The following KLF12 variants were observed in gnomAD, a reference collection of about 807,000 sequenced individuals.
KLF12 encodes KLF transcription factor 12, also known as Krueppel-like factor 12.
Under a neutral mutation model 37.8 loss-of-function variants are expected in KLF12, and 9 were observed. The ratio of observed to expected loss-of-function variants is 0.24; its 90% CI spans 0.14 to 0.42. The LOEUF (loss-of-function observed/expected upper bound fraction) is 0.42, where lower values mean the gene tolerates loss of function less well. KLF12 is among the 10% of genes least tolerant of loss of function. KLF12 has a pLI of 1.00. For missense variants in KLF12, 411 were observed against 516.0 expected, an observed-to-expected ratio of 0.80 and a Z score of 1.97; for synonymous variants, 208 against 202.1, an observed-to-expected ratio of 1.03 and a Z score of -0.25.
At chr13:73,754,371 G>A (rs977800426) in intron 6 of KLF12, among the ~76,000 whole-genome samples, 6 of 152,114 alleles carry the variant, frequency 3.9e-5, no homozygotes, top group African/African-American at 1.4e-4. Flanking sequence ...GCATAACTTA[G>A]GAGAGTCCCA....
At chr13:74,138,071 A>G (rs1016358319), upstream of KLF12, among the ~76,000 whole-genome samples, 1 of 152,230 alleles carries the variant, frequency 6.6e-6, no homozygotes. Flanking sequence ...AATCTTTTAC[A>G]GTATTAAGAG....
intron 5 of KLF12, among the ~76,000 whole-genome samples, chr13:73,789,182 G>A (rs948260835): frequency 7.9e-5 from 12 of 152,098 alleles, no homozygotes; most frequent in African/African-American, 1.2e-4. Flanking sequence ...AAATACTTTC[G>A]ATTGTTGGTC....
At chr13:73,978,145 T>G (rs1891589716) in intron 2 of KLF12, among the ~76,000 whole-genome samples, 2 of 151,976 alleles carry the variant, frequency 1.3e-5, no homozygotes, top group South Asian at 4.1e-4. Flanking sequence ...AATGAAAAAT[T>G]TTTGCTATGT....
intron 1 of KLF12, among the ~76,000 whole-genome samples, chr13:74,079,034 T>G (rs1452734959): frequency 6.6e-6 from 1 of 152,190 alleles, no homozygotes; most frequent in Non-Finnish European, 1.5e-5. Flanking sequence ...AGACTTGATA[T>G]ACGGTATTCT....
the KLF12 span, among the ~76,000 whole-genome samples, chr13:74,202,820 T>A: frequency 6.6e-6 from 1 of 152,144 alleles, no homozygotes; most frequent in African/African-American, 2.4e-5. Flanking sequence ...GGTCAGGCAT[T>A]TGCTCTGAAC....
chr13:73,800,561 C>T (rs1350807194), intron 5 of KLF12: 1 of 152,008 alleles, frequency 6.6e-6, no homozygotes, highest in African/African-American at 2.4e-5. Flanking sequence ...CCTCACCCTA[C>T]TGATGTTGGG....
At chr13:74,292,036 G>C in the KLF12 span, among the ~76,000 whole-genome samples, 5 of 152,204 alleles carry the variant, frequency 3.3e-5, no homozygotes, top group Non-Finnish European at 5.9e-5. Context: ...ACTGTGTTAA[G>C]AGCATGGGAA....
chr13:73,938,216 C>T (rs1365289754), intron 3 of KLF12, among the ~76,000 whole-genome samples: 1 of 152,164 alleles, frequency 6.6e-6, no homozygotes, highest in African/African-American at 2.4e-5. Context: ...GTAACACTGT[C>T]TTACTACGCC....
chr13:73,848,998 G>T (rs1341620304), intron 3 of KLF12, among the ~76,000 whole-genome samples: 1 of 151,998 alleles, frequency 6.6e-6, no homozygotes, highest in Admixed American at 6.6e-5. Context: ...CCTGACAGCC[G>T]ACACTAATCT....
intron 1 of KLF12, among the ~76,000 whole-genome samples, chr13:74,060,484 T>TTGTGTGTGTGTGTGTG (rs60242793): frequency 6.4e-5 from 7 of 108,626 alleles, no homozygotes; most frequent in East Asian, 2.4e-4. Flanking sequence ...TACCTAGGTT[T>TTGTGTGTGTGTGTGTG]TGTGTGTGTG....
chr13:73,738,502 A>G (rs547577068), intron 6 of KLF12, among the ~76,000 whole-genome samples: 1 of 152,094 alleles, frequency 6.6e-6, no homozygotes, highest in Non-Finnish European at 1.5e-5. Flanking sequence ...GTATTTTGTG[A>G]AAAATCGACA....
At chr13:74,128,499 T>C (rs555810323) in intron 1 of KLF12, among the ~76,000 whole-genome samples, 1 of 152,310 alleles carries the variant, frequency 6.6e-6, no homozygotes, top group South Asian at 2.1e-4. Context: ...AAACTACATA[T>C]TATTTTTTCC....
chr13:74,028,167 C>T (rs1178528070), intron 1 of KLF12, among the ~76,000 whole-genome samples: 1 of 152,054 alleles, frequency 6.6e-6, no homozygotes, highest in Non-Finnish European at 1.5e-5. Context: ...GTCTTTGACC[C>T]AGTGATAACA....
At chr13:74,134,037 C>G (rs992133841), upstream of KLF12, among the ~76,000 whole-genome samples, 12 of 152,018 alleles carry the variant, frequency 7.9e-5, no homozygotes, top group South Asian at 1.2e-3. Context: ...TTGCGAGCCC[C>G]GGTCTAGTGT....
Position 73,888,708 on chromosome 13 carries a change from T to A in KLF12, c.124-42335A>T, listed in dbSNP as rs1887353785. Among the ~76,000 whole-genome samples, 3 of 152,242 alleles carry A rather than the reference T, an allele frequency of 2.0e-5. No homozygotes were observed. In the South Asian group the frequency reaches 6.2e-4, roughly 31 times the overall value. ...CAATTTTACAGAAAATAAATGTTTTTATGCTTTATAAACCTTTCTTACAAG... is the reference window on the plus strand; with the variant it reads ...CAATTTTACAGAAAATAAATGTTTTAATGCTTTATAAACCTTTCTTACAAG... On this transcript the variant is annotated intron_variant, in intron 3 of 7. Transcript: ENST00000377669.
the KLF12 span, among the ~76,000 whole-genome samples, chr13:74,190,264 G>GA: frequency 3.9e-5 from 6 of 152,090 alleles, no homozygotes; most frequent in African/African-American, 1.4e-4. Context: ...TCTAATAGGT[G>GA]AAAAACACTA....
chr13:73,940,901 G>A (rs75538340), intron 3 of KLF12, among the ~76,000 whole-genome samples: 2,597 of 152,270 alleles, frequency 0.017, 61 homozygotes, highest in African/African-American at 0.059. Flanking sequence ...TCCTTGGAGG[G>A]GTGGGGAGAC....
chr13:74,289,699 C>A, the KLF12 span, among the ~76,000 whole-genome samples: 12 of 152,142 alleles, frequency 7.9e-5, no homozygotes, highest in African/African-American at 2.9e-4. Flanking sequence ...CAGCAGGATT[C>A]AAAATTTTAC....
chr13:74,261,654 A>C, the KLF12 span, among the ~76,000 whole-genome samples: 266 of 152,344 alleles, frequency 1.7e-3, no homozygotes, highest in Non-Finnish European at 3.0e-3. Context: ...GTGTCTTTTG[A>C]CATTTTCTAC....
Sources: allele counts gnomAD v4.1 joint callset (sites outside exome capture counted in the v4.1 genomes callset), GRCh38; gene constraint gnomAD v4.1.1; transcripts MANE v1.5; gene names NCBI Gene and HGNC (gene_info 2026-07-23, HGNC 2026-07-21).